SPTA1: variants seen among roughly 807,000 people sequenced by gnomAD.
SPTA1 encodes the protein spectrin alpha chain, erythrocytic 1.
Under a neutral mutation model 324.7 loss-of-function variants are expected in SPTA1, and 177 were observed. The ratio of observed to expected loss-of-function variants is 0.55; its 90% CI spans 0.48 to 0.62. SPTA1 has a LOEUF of 0.62. Among genes scored for constraint, SPTA1 ranks in the 20% least tolerant of loss-of-function variants. SPTA1 has a pLI of 0.00. For synonymous variants in SPTA1, 1,195 were observed against 1,041.3 expected (o/e 1.15, Z -2.84); for missense variants, 3,162 against 2,883.6 (o/e 1.10, Z -2.21).
rs184415753 is a variant in SPTA1, at chr1:158,618,218, C to T, written c.6531-162G>A. 1.4e-4 allele frequency: 97 copies of T among 716,502 alleles called. No individual in the cohort carries two copies. In the East Asian group the frequency reaches 2.2e-3, roughly 16 times the overall value. 44.4% of individuals were successfully genotyped at this position (716,502 alleles called of 1,614,324 possible). A position where few individuals can be genotyped will look rare whatever the true frequency, so the allele number is the denominator to read the frequency against. ...GTCCACCCACTGGTTCCCAAGGCCT[C>T]TCCCACTCTGAGAAGATCAGAGTCT... On this transcript the variant is annotated intron_variant, in intron 45 of 51. Coordinates refer to ENST00000643759, the MANE Select transcript of SPTA1 (RefSeq NM_003126.4).
chr1:158,684,799 A>C (rs1301184642), intron 2 of SPTA1, among the ~76,000 whole-genome samples: 1 of 152,202 alleles, frequency 6.6e-6, no homozygotes, highest in Non-Finnish European at 1.5e-5. Context: ...TAATGATTAA[A>C]AAATGTATAT....
At chr1:158,633,357 A>T (rs1242642604) in intron 39 of SPTA1, among the ~76,000 whole-genome samples, 1 of 152,192 alleles carries the variant, frequency 6.6e-6, no homozygotes, top group Non-Finnish European at 1.5e-5. Flanking sequence ...TTATAACTGC[A>T]TGTGAATCTA....
intron 48 of SPTA1, 49 bp downstream of exon 48, chr1:158,615,167 C>T: frequency 1.9e-6 from 3 of 1,609,364 alleles, no homozygotes; most frequent in Non-Finnish European, 2.5e-6. Context: ...GGTCCTAACA[C>T]CTAACACCAC....
At chr1:158,617,801 A>G (rs1052145823) in intron 46 of SPTA1, among the ~76,000 whole-genome samples, 2 of 152,180 alleles carry the variant, frequency 1.3e-5, no homozygotes, top group African/African-American at 4.8e-5. Flanking sequence ...GAAGGCTTTC[A>G]CATACCCCTC....
chr1:158,674,191 TA>T, intron 10 of SPTA1, 137 bp downstream of exon 10: 1 of 950,466 alleles, frequency 1.1e-6, no homozygotes, highest in Non-Finnish European at 1.7e-6. Flanking sequence ...GGAAGCAGTG[TA>T]AAAGTTTGAT....
chr1:158,676,043 T>G, intron 8 of SPTA1, 98 bp downstream of exon 8: 1 of 1,532,730 alleles, frequency 6.5e-7, no homozygotes, highest in Non-Finnish European at 9.0e-7. Context: ...GAGCTGATTC[T>G]CTCGCTATTT....
chr1:158,671,371 G>A lies in SPTA1; in HGVS notation c.1571C>T (p.Ala524Val), dbSNP rs184260027. The A allele has an allele frequency of 1.1e-5, 17 of 1,613,514 alleles. No homozygotes were observed. Among genetic ancestry groups the A allele is most frequent in the Non-Finnish European group, 1.3e-5 (15 of 1,179,866 alleles). Reference protein sequence around the residue: ...LLQKHEDFEEAFTAQEEKIIT... With the variant: ...LLQKHEDFEEVFTAQEEKIIT... Reference sequence around the variant, plus strand: ...GATCTTCTCTTCCTGGGCAGTAAAGGCTTCCTCAAAGTCTTCATGCTTCTG... The same window carrying A: ...GATCTTCTCTTCCTGGGCAGTAAAGACTTCCTCAAAGTCTTCATGCTTCTG... Residue 524 changes from alanine (A) to valine (V), a missense_variant, in exon 12 of 52, where the codon GCC becomes GTC. Physicochemically the swap from Ala to Val is moderately conservative, Grantham distance 64. Transcript: ENST00000643759.
At position 158,623,111 on chromosome 1, in the gene SPTA1, C is replaced by G. The variant is rs77877855; in HGVS notation, c.5992G>C (p.Ala1998Pro). 0.024 allele frequency: 37,991 copies of G among 1,613,978 alleles called. 1,310 individuals are homozygous for G. The highest frequency in any genetic ancestry group is 0.15 in the African/African-American group (10,957 of 74,980). Residue 1998 changes from alanine (A) to proline (P), a missense_variant, in exon 43 of 52, where the codon GCT (alanine) becomes CCT (proline). Coordinates refer to ENST00000643759, the MANE Select transcript of SPTA1 (RefSeq NM_003126.4). ...ITDLKDKLISAQHNQSKAIEE... is the reference protein window; with the variant it reads ...ITDLKDKLISPQHNQSKAIEE... ...ATGGCTTTAGACTGGTTGTGTTGAG[C>G]AGAAATCAGTTTGTCCTTCAGGTCA...
Position 158,627,718 on chromosome 1 carries a change from C to A in SPTA1, c.5571G>T (p.Leu1857Phe). ...CGDTLAATQS[L>F]LMKHEALEND... ...TTTCCAAAGCTTCATGCTTCATTAG[C>A]AAGCTCTGCATAAATAAGTCGGTGA... The change falls in exon 40 of 52, where the codon TTG (leucine) becomes TTT (phenylalanine). Residue 1857 changes from leucine (L) to phenylalanine (F), a missense_variant. Transcript: ENST00000643759. 1 of 1,611,772 alleles carries A rather than the reference C, an allele frequency of 6.2e-7. No homozygotes were observed. The highest frequency in any genetic ancestry group is 1.1e-5 in the South Asian group (1 of 91,076).
chr1:158,650,653 A>G (rs1336732422), intron 24 of SPTA1, among the ~76,000 whole-genome samples: 1 of 151,780 alleles, frequency 6.6e-6, no homozygotes, highest in African/African-American at 2.4e-5. Flanking sequence ...CTTTATCTGC[A>G]TTGTCTTTGA....
chr1:158,633,063 C>G (rs1246881820), intron 39 of SPTA1, among the ~76,000 whole-genome samples: 1 of 152,090 alleles, frequency 6.6e-6, no homozygotes, highest in Non-Finnish European at 1.5e-5. Context: ...GTGAAAAGGT[C>G]AATCTTCAAA....
intron 42 of SPTA1, among the ~76,000 whole-genome samples, chr1:158,625,274 T>C (rs1392392491): frequency 6.6e-6 from 1 of 152,160 alleles, no homozygotes; most frequent in Non-Finnish European, 1.5e-5. Context: ...AGAAATGTAA[T>C]TCAAGATAAA....
intron 16 of SPTA1, among the ~76,000 whole-genome samples, chr1:158,663,585 T>C (rs528289074): frequency 1.1e-4 from 17 of 152,180 alleles, no homozygotes; most frequent in African/African-American, 4.1e-4. Flanking sequence ...GTGAAATAGA[T>C]ACAATAGGTA....
intron 27 of SPTA1, 149 bp from the exon 28 acceptor site, chr1:158,645,743 GT>G: frequency 3.7e-6 from 3 of 807,396 alleles, no homozygotes; most frequent in South Asian, 1.5e-5. Context: ...TACGTTTGCT[GT>G]TTTTATTATA....
intron 21 of SPTA1, among the ~76,000 whole-genome samples, chr1:158,654,037 C>G (rs1440460832): frequency 6.6e-6 from 1 of 152,188 alleles, no homozygotes; most frequent in Non-Finnish European, 1.5e-5. Context: ...TTTGGAATAA[C>G]TATAGCCCAA....
chr1:158,681,453 G>A, intron 4 of SPTA1, 74 bp downstream of exon 4: 1 of 1,604,470 alleles, frequency 6.2e-7, no homozygotes. Flanking sequence ...TGAGTAGTCT[G>A]CAGTAATTTG....
rs1291880942 is a variant in SPTA1 at position 158,651,383 on chromosome 1, C to T, written c.3461G>A (p.Gly1154Glu). The T allele has an allele frequency of 6.2e-7, 1 of 1,613,444 alleles. No individual in the cohort carries two copies. Residue 1154 changes from glycine to glutamate, a missense_variant, in exon 24 of 52, where the codon GGA (glycine) becomes GAA (glutamate). Transcript: ENST00000643759. ...CTTAGTTACCTGCCGGATTTGAGCT[C>T]CTTCTGGTGTTAGAAGTCCTTCAAA... ...LLFEGLLTPE[G>E]AQIRQELNSR... is the part of the protein sequence containing the mutation.
In SPTA1 at chr1:158,642,445, C is replaced by T. The variant is rs770239726; in HGVS notation, c.4703G>A (p.Cys1568Tyr). The T allele has an allele frequency of 9.3e-6, 15 of 1,613,656 alleles. No individual in the cohort carries two copies. Among genetic ancestry groups the T allele is most frequent in the South Asian group, 2.2e-5 (2 of 91,070 alleles). ...CTCTTCATTGCCATCACAAGCGCTA[C>T]ACTCAATCAGGGAGTTCCCCAGGTT... Reference protein sequence around the residue: ...VINLGNSLIECSACDGNEEAM... With the variant: ...VINLGNSLIEYSACDGNEEAM... Residue 1568 changes from cysteine (C) to tyrosine (Y), a missense_variant, in exon 33 of 52, where the codon TGT (cysteine) becomes TAT (tyrosine). By Grantham distance (194) the Cys-to-Tyr change is radical. Coordinates refer to ENST00000643759, the MANE Select transcript of SPTA1 (RefSeq NM_003126.4).
chr1:158,651,248 G>T, intron 24 of SPTA1, 119 bp downstream of exon 24: 1 of 763,802 alleles, frequency 1.3e-6, no homozygotes, highest in Non-Finnish European at 2.4e-6. Context: ...ATTCCATACT[G>T]CTGTTACCTT....
Sources: gnomAD v4.1 joint callset for allele counts (sites outside exome capture counted in the v4.1 genomes callset) on GRCh38, gnomAD v4.1.1 for gene constraint, MANE v1.5 for transcripts, NCBI Gene and HGNC (gene_info 2026-07-23, HGNC 2026-07-21) for gene names.